The following ZFYVE28 variants were observed in gnomAD, a reference collection of about 807,000 sequenced individuals.
ZFYVE28 encodes the protein zinc finger FYVE-type containing 28.
A neutral mutation model predicts 82.1 loss-of-function variants in ZFYVE28; 40 were observed. That is an observed-to-expected ratio of 0.49 (90% CI 0.38 to 0.63). The LOEUF (loss-of-function observed/expected upper bound fraction) is 0.63, where lower values mean the gene tolerates loss of function less well. Among genes scored for constraint, ZFYVE28 ranks in the 30% least tolerant of loss-of-function variants. The pLI is 0.00. For synonymous variants in ZFYVE28, 612 were observed against 546.1 expected (o/e 1.12, Z -1.68); for missense variants, 1,321 against 1,242.1 (o/e 1.06, Z -0.96).
intron 1 of ZFYVE28, among the ~76,000 whole-genome samples, chr4:2,360,416 C>T (rs886658417): frequency 1.0e-3 from 159 of 151,640 alleles, no homozygotes; most frequent in African/African-American, 3.7e-3. Context: ...CACACACACA[C>T]ACACACACAC....
Position 2,320,301 on chromosome 4 carries a change from C to A in ZFYVE28, c.702-30G>T. 2 of 1,599,214 alleles carry A rather than the reference C, an allele frequency of 1.3e-6. No homozygotes were observed. The highest frequency in any genetic ancestry group is 1.1e-5 in the South Asian group (1 of 90,450). ...ATTTGAGACACAAAAGCCAGGATGT[C>A]AGGCCCTGTGGCCCCCTGGGTGCCG... On this transcript the variant is annotated intron_variant, in intron 6 of 12. Transcript: ENST00000290974. This position sits in a 1 kb window ranked among gnomAD's most constrained non-coding sequence, Gnocchi z 5.1.
chr4:2,316,718 A>G (rs1718264201), intron 7 of ZFYVE28, among the ~76,000 whole-genome samples: 2 of 149,428 alleles, frequency 1.3e-5, no homozygotes, highest in African/African-American at 4.9e-5. Flanking sequence ...TTTGAGATGG[A>G]GTCTCGCTCT....
chr4:2,377,039 T>G (rs1560307337), intron 1 of ZFYVE28, among the ~76,000 whole-genome samples: 1 of 151,984 alleles, frequency 6.6e-6, no homozygotes, highest in Non-Finnish European at 1.5e-5. Context: ...TTTTTTTTTC[T>G]GAGACGGAGT....
At chr4:2,410,004 G>A (rs1016045336) in intron 1 of ZFYVE28, among the ~76,000 whole-genome samples, 1 of 152,214 alleles carries the variant, frequency 6.6e-6, no homozygotes, top group Admixed American at 6.5e-5. Context: ...AGGAACCATG[G>A]CTCTGGGCCT....
intron 1 of ZFYVE28, among the ~76,000 whole-genome samples, chr4:2,363,632 A>G (rs1726461355): frequency 6.6e-6 from 1 of 152,162 alleles, no homozygotes; most frequent in African/African-American, 2.4e-5. Context: ...GTAAGTAATC[A>G]ACCTGTGTTG....
At chr4:2,302,845 A>T (rs1292436412) in intron 8 of ZFYVE28, among the ~76,000 whole-genome samples, 1 of 152,232 alleles carries the variant, frequency 6.6e-6, no homozygotes, top group Non-Finnish European at 1.5e-5. Flanking sequence ...CGTCTGGTGG[A>T]CGAAGCCGGA....
At chr4:2,329,113 C>T in intron 6 of ZFYVE28, 3 of 699,680 alleles carry the variant, frequency 4.3e-6, no homozygotes, top group Non-Finnish European at 7.8e-6. Flanking sequence ...ATTGCAGTTC[C>T]ACATGAATTT....
At chr4:2,358,606 G>C (rs1423110580) in intron 1 of ZFYVE28, among the ~76,000 whole-genome samples, 1 of 152,234 alleles carries the variant, frequency 6.6e-6, no homozygotes, top group Non-Finnish European at 1.5e-5. Flanking sequence ...CCATGGAGCT[G>C]AGGTGTTACT....
At chr4:2,290,791 C>T (rs1362602992) in intron 8 of ZFYVE28, among the ~76,000 whole-genome samples, 1 of 152,148 alleles carries the variant, frequency 6.6e-6, no homozygotes, top group East Asian at 1.9e-4. Flanking sequence ...AAGCACAAGC[C>T]GAGCAGTGGT....
chr4:2,298,762 A>G (rs1162871452), intron 8 of ZFYVE28, among the ~76,000 whole-genome samples: 2 of 152,062 alleles, frequency 1.3e-5, no homozygotes, highest in African/African-American at 4.8e-5. Context: ...AGGCTCTGAG[A>G]CCTCCCTAAG....
chr4:2,331,005 C>A (rs1177966672), intron 6 of ZFYVE28: 15 of 1,409,270 alleles, frequency 1.1e-5, no homozygotes, highest in Admixed American at 4.3e-5. Flanking sequence ...GCCACGTGGG[C>A]GGTGGCTCCT....
rs976409298 is a variant in ZFYVE28 at position 2,409,714 on chromosome 4, C to G, written c.39+8571G>C. Reference sequence around the variant, plus strand: ...GGTGGGGTGGGGGGGCTGACCCCTGCGGGCAGCTCTGTGGGAGGAGGTCGG... The same window carrying G: ...GGTGGGGTGGGGGGGCTGACCCCTGGGGGCAGCTCTGTGGGAGGAGGTCGG... On this transcript the variant is annotated intron_variant, in intron 1 of 12. Coordinates refer to ENST00000290974, the MANE Select transcript of ZFYVE28 (RefSeq NM_020972.3). This position sits in a 1 kb window ranked among gnomAD's most constrained non-coding sequence, Gnocchi z 4.4. Among the ~76,000 whole-genome samples the G allele has an allele frequency of 6.6e-6, 1 of 152,248 alleles. No homozygotes were observed. Among genetic ancestry groups the G allele is most frequent in the Non-Finnish European group, 1.5e-5 (1 of 68,048 alleles).
At chr4:2,301,902 G>C (rs1229651517) in intron 8 of ZFYVE28, among the ~76,000 whole-genome samples, 1 of 152,188 alleles carries the variant, frequency 6.6e-6, no homozygotes, top group Non-Finnish European at 1.5e-5. Flanking sequence ...AAAGAGGAGA[G>C]GCTGTTCGCG....
rs541977517 is a variant in ZFYVE28 at position 2,304,915 on chromosome 4, G to A, written c.1425C>T (p.Gly475=). ...AGTCCAGGCAGCTGCAGGAGCTGGT[G>A]CCCGCGAGGCTGGCCCCATCTGTGC... ...AEGTDGASLA[G]TSSCSCLDSR... is the part of the protein sequence containing the mutation. The change falls in exon 8 of 13, where the codon GGC becomes GGT. Residue 475 remains glycine, a synonymous_variant. Coordinates refer to ENST00000290974, the MANE Select transcript of ZFYVE28 (RefSeq NM_020972.3). 1.9e-6 allele frequency: 3 copies of A among 1,612,618 alleles called. No individual in the cohort carries two copies. In the African/African-American group the frequency reaches 4.0e-5, roughly 22 times the overall value.
At chr4:2,406,567 C>G (rs1186573766) in intron 1 of ZFYVE28, 1 of 152,228 alleles carries the variant, frequency 6.6e-6, no homozygotes, top group Non-Finnish European at 1.5e-5. Flanking sequence ...AAGAACCTCA[C>G]CTCCTTGCTT....
chr4:2,409,712 T>C lies in ZFYVE28; in HGVS notation c.39+8573A>G, dbSNP rs963766677. On this transcript the variant is annotated intron_variant, in intron 1 of 12. Transcript: ENST00000290974. This position sits in a 1 kb window ranked among gnomAD's most constrained non-coding sequence, Gnocchi z 4.4. ...ACGGTGGGGTGGGGGGGCTGACCCC[T>C]GCGGGCAGCTCTGTGGGAGGAGGTC... is the stretch of plus-strand genomic sequence containing the variant. Among the ~76,000 whole-genome samples, 5 of 152,232 alleles carry C rather than the reference T, an allele frequency of 3.3e-5. No homozygotes were observed. Among genetic ancestry groups the C allele is most frequent in the Admixed American group, 2.6e-4 (4 of 15,286 alleles).
intron 1 of ZFYVE28, among the ~76,000 whole-genome samples, chr4:2,398,697 T>C (rs116347806): frequency 0.026 from 2,249 of 85,740 alleles, 422 homozygotes; most frequent in Middle Eastern, 0.074. Context: ...CAATGGGGGG[T>C]CGAGATCCAG....
Position 2,408,866 on chromosome 4 carries a change from T to C in ZFYVE28, c.39+9419A>G, listed in dbSNP as rs1408379483. The stretch of plus-strand genomic sequence containing the variant: ...CAATCCTGACGTGGGGCAGCAGTGA[T>C]GGTTTGAAGCTCTCAGTTCCCGGCG... On this transcript the variant is annotated intron_variant, in intron 1 of 12. Coordinates refer to ENST00000290974, the MANE Select transcript of ZFYVE28 (RefSeq NM_020972.3). The surrounding 1 kb of genome is among the most constrained non-coding windows in gnomAD (Gnocchi z 4.3). Among the ~76,000 whole-genome samples the C allele has an allele frequency of 1.3e-5, 2 of 152,206 alleles. No homozygotes were observed. Among genetic ancestry groups the C allele is most frequent in the African/African-American group, 2.4e-5 (1 of 41,432 alleles).
intron 1 of ZFYVE28, among the ~76,000 whole-genome samples, chr4:2,390,040 G>A (rs1308058398): frequency 6.6e-6 from 1 of 152,208 alleles, no homozygotes; most frequent in Non-Finnish European, 1.5e-5. Flanking sequence ...GACCATATGT[G>A]GCAAAAGGGT....
Sources: allele counts gnomAD v4.1 joint callset (sites outside exome capture counted in the v4.1 genomes callset), GRCh38; gene constraint gnomAD v4.1.1; non-coding constraint Gnocchi (gnomAD v3.1); transcripts MANE v1.5; gene names NCBI Gene and HGNC (gene_info 2026-07-23, HGNC 2026-07-21).